PPFIBP1: variants seen among roughly 807,000 people sequenced by gnomAD.
PPFIBP1 encodes liprin-beta-1.
PPFIBP1 carries 112 observed loss-of-function variants against 137.8 expected under a neutral mutation model. The observed-to-expected ratio is 0.81, with a 90% CI of 0.70 to 0.95. The LOEUF is 0.95. Ranked by LOEUF, PPFIBP1 falls within the 40% of genes least tolerant of loss-of-function variation. PPFIBP1 has a pLI of 0.00. For synonymous variants in PPFIBP1, 378 were observed against 417.3 expected, an observed-to-expected ratio of 0.91 and a Z score of 1.15; for missense variants, 1,083 against 1,196.6, an observed-to-expected ratio of 0.91 and a Z score of 1.40.
At chr12:27,631,541 T>G (rs2057268440) in intron 2 of PPFIBP1, among the ~76,000 whole-genome samples, 1 of 152,226 alleles carries the variant, frequency 6.6e-6, no homozygotes, top group South Asian at 2.1e-4. Context: ...AGTTAACGTT[T>G]TGAACTTTCA....
chr12:27,571,762 T>C (rs2050170339), intron 1 of PPFIBP1, among the ~76,000 whole-genome samples: 1 of 152,244 alleles, frequency 6.6e-6, no homozygotes, highest in Admixed American at 6.5e-5. Context: ...TAGTTCAGAA[T>C]GGCCTTTCAC....
intron 2 of PPFIBP1, chr12:27,599,532 G>GCCTT (rs1195923452): frequency 1.1e-5 from 5 of 454,570 alleles, no homozygotes; most frequent in Admixed American, 4.7e-5. Flanking sequence ...CTTCCCTCCT[G>GCCTT]CCTTCCTTCC....
intron 2 of PPFIBP1, among the ~76,000 whole-genome samples, chr12:27,579,709 T>A (rs1367683540): frequency 6.6e-6 from 1 of 152,236 alleles, no homozygotes; most frequent in Non-Finnish European, 1.5e-5. Context: ...GAATGTGTTG[T>A]GCATATCTTT....
intron 22 of PPFIBP1, 146 bp downstream of exon 22, chr12:27,681,842 C>A: frequency 1.2e-6 from 1 of 828,002 alleles, no homozygotes; most frequent in Non-Finnish European, 1.8e-6. Context: ...TTGCTTCATG[C>A]TTCTTTTTTC....
At chr12:27,597,373 C>G (rs2053441890) in intron 2 of PPFIBP1, among the ~76,000 whole-genome samples, 1 of 152,066 alleles carries the variant, frequency 6.6e-6, no homozygotes, top group Non-Finnish European at 1.5e-5. Context: ...TGAGGCTGGT[C>G]CCGAACCCCT....
chr12:27,599,947 A>G (rs1260731782), intron 2 of PPFIBP1, among the ~76,000 whole-genome samples: 5 of 152,232 alleles, frequency 3.3e-5, no homozygotes, highest in Admixed American at 6.5e-5. Flanking sequence ...AAAAAAGGAC[A>G]TTAGTGAAAA....
intron 2 of PPFIBP1, among the ~76,000 whole-genome samples, chr12:27,626,862 G>A (rs1372700577): frequency 6.6e-6 from 1 of 152,144 alleles, no homozygotes; most frequent in Admixed American, 6.6e-5. Context: ...CACCATGTCT[G>A]GCAGGATTTG....
chr12:27,587,262 C>A (rs935630492), intron 2 of PPFIBP1, among the ~76,000 whole-genome samples: 2 of 152,082 alleles, frequency 1.3e-5, no homozygotes, highest in African/African-American at 4.8e-5. Context: ...CTTGAGAAGT[C>A]AAATTAATAT....
chr12:27,629,313 T>C (rs1385818936), intron 2 of PPFIBP1, among the ~76,000 whole-genome samples: 1 of 152,192 alleles, frequency 6.6e-6, no homozygotes, highest in African/African-American at 2.4e-5. Context: ...TTAAAGACCA[T>C]TGCATAGTTT....
At chr12:27,538,982 C>T (rs143658588) in intron 1 of PPFIBP1, among the ~76,000 whole-genome samples, 121 of 152,226 alleles carry the variant, frequency 7.9e-4, no homozygotes, top group African/African-American at 2.8e-3. Flanking sequence ...TTGGTGGGTA[C>T]GTTCCAGGGA....
chr12:27,692,032 C>G (rs373769127), intron 28 of PPFIBP1, 104 bp downstream of exon 28: 1 of 997,644 alleles, frequency 1.0e-6, no homozygotes, highest in African/African-American at 1.6e-5. Flanking sequence ...CTTCAAATAA[C>G]TAAAAATACA....
chr12:27,610,948 GA>G (rs138396572), intron 2 of PPFIBP1, among the ~76,000 whole-genome samples: 8,716 of 151,772 alleles, frequency 0.057, 354 homozygotes, highest in East Asian at 0.092. Context: ...GGGAAAATAG[GA>G]AAAGTATGAA....
chr12:27,657,072 G>A (rs60418542), intron 9 of PPFIBP1: 10,793 of 178,622 alleles, frequency 0.06, 396 homozygotes, highest in East Asian at 0.11. Context: ...TCCCGGGATC[G>A]TTGCCCTCAG....
chr12:27,583,699 A>G (rs969328308), intron 2 of PPFIBP1, among the ~76,000 whole-genome samples: 5 of 152,308 alleles, frequency 3.3e-5, no homozygotes, highest in Admixed American at 6.5e-5. Context: ...AGAAAAATCC[A>G]TTTACATTTA....
chr12:27,687,814 G>A (rs2061290437), intron 25 of PPFIBP1, among the ~76,000 whole-genome samples: 1 of 152,024 alleles, frequency 6.6e-6, no homozygotes, highest in South Asian at 2.1e-4. Flanking sequence ...CAAGTATAGT[G>A]GCCAATGCCT....
At chr12:27,664,670 T>C (rs979196723) in intron 12 of PPFIBP1, among the ~76,000 whole-genome samples, 1 of 152,018 alleles carries the variant, frequency 6.6e-6, no homozygotes, top group Non-Finnish European at 1.5e-5. Flanking sequence ...TCTAAGGAGT[T>C]GATGAGATAG....
chr12:27,598,538 CTGTGTGTGTG>C (rs71039825), intron 2 of PPFIBP1, among the ~76,000 whole-genome samples: 4,030 of 150,812 alleles, frequency 0.027, 123 homozygotes, highest in African/African-American at 0.077. Context: ...TCTCTATAAT[CTGTGTGTGTG>C]TGTGTGTGTG....
intron 4 of PPFIBP1, among the ~76,000 whole-genome samples, chr12:27,638,468 C>G (rs1236434475): frequency 1.3e-5 from 2 of 151,138 alleles, no homozygotes; most frequent in East Asian, 2.0e-4. Flanking sequence ...CTTATATGAC[C>G]TTGTGAAAAT....
At position 27,669,974 on chromosome 12, in the gene PPFIBP1, T is replaced by A. The variant is rs200239429; in HGVS notation, c.1147-1457T>A. On this transcript the variant is annotated intron_variant, in intron 13 of 29. Coordinates refer to ENST00000228425, the MANE Select transcript of PPFIBP1 (RefSeq NM_003622.4). The stretch of plus-strand genomic sequence containing the variant: ...AGTGAGAGTCGACATCCACTGTAGA[T>A]GTGTGGTTACTAAGGTGAGACTGTT... 3.3e-5 allele frequency among the ~76,000 whole-genome samples: 5 copies of A among 152,268 alleles called. No homozygotes were observed. The East Asian group carries it at 7.7e-4, about 23-fold the overall frequency.
Sources: gnomAD v4.1 joint callset for allele counts (sites outside exome capture counted in the v4.1 genomes callset) on GRCh38, gnomAD v4.1.1 for gene constraint, MANE v1.5 for transcripts, NCBI Gene and HGNC (gene_info 2026-07-23, HGNC 2026-07-21) for gene names.